Variants in CRPPA observed in about 807,000 individuals in gnomAD.
CRPPA encodes the protein CDP-L-ribitol pyrophosphorylase A.
CRPPA carries 43 observed loss-of-function variants against 52.0 expected under a neutral mutation model. That is an observed-to-expected ratio of 0.83 (90% confidence interval 0.65 to 1.07). The LOEUF (loss-of-function observed/expected upper bound fraction) is 1.07, where lower values mean the gene tolerates loss of function less well. Among genes scored for constraint, CRPPA ranks in the 50% least tolerant of loss-of-function variants. The pLI is 0.00. For missense variants in CRPPA, 629 were observed against 551.7 expected (o/e 1.14, Z -1.40); for synonymous variants, 250 against 203.5 (o/e 1.23, Z -1.94).
At chr7:16,127,885 T>G (rs1782609260) in intron 9 of CRPPA, among the ~76,000 whole-genome samples, 1 of 152,228 alleles carries the variant, frequency 6.6e-6, no homozygotes, top group South Asian at 2.1e-4. Context: ...GAATTTTTGT[T>G]GACTGATTAA....
Position 16,089,893 on chromosome 7 carries a change from T to G in CRPPA, c.*1802A>C, listed in dbSNP as rs1781799789. 1 of 160,050 alleles carries G rather than the reference T, an allele frequency of 6.2e-6. No homozygotes were observed. The highest frequency in any genetic ancestry group is 1.7e-4 in the South Asian group (1 of 5,952). 9.9% of individuals were successfully genotyped at this position (160,050 alleles called of 1,614,324 possible). A position where few individuals can be genotyped will look rare whatever the true frequency, so the allele number is the denominator to read the frequency against. On this transcript the variant is annotated 3_prime_UTR_variant, in exon 10 of 10. Transcript: ENST00000407010. ...CCACAAATATGCCCAGTTTACTGCA[T>G]TCTTCTTCAAGGCACTTACCCTCTC...
intron 6 of CRPPA, among the ~76,000 whole-genome samples, chr7:16,267,458 C>T (rs1191902593): frequency 6.6e-6 from 1 of 152,098 alleles, no homozygotes; most frequent in African/African-American, 2.4e-5. Context: ...CACTTTGAGC[C>T]AGCAAAAGGT....
intron 3 of CRPPA, among the ~76,000 whole-genome samples, chr7:16,322,678 T>C (rs1350310042): frequency 1.3e-5 from 2 of 152,168 alleles, no homozygotes; most frequent in African/African-American, 4.8e-5. Context: ...AGACCAGTGA[T>C]TGGTATTTGC....
chr7:16,322,681 G>T (rs529417557), intron 3 of CRPPA, among the ~76,000 whole-genome samples: 1 of 152,108 alleles, frequency 6.6e-6, no homozygotes, highest in African/African-American at 2.4e-5. Context: ...CCAGTGATTG[G>T]TATTTGCTTC....
At chr7:16,326,915 T>C (rs1173533599) in intron 3 of CRPPA, among the ~76,000 whole-genome samples, 1 of 152,156 alleles carries the variant, frequency 6.6e-6, no homozygotes, top group Non-Finnish European at 1.5e-5. Context: ...AAATGCTATT[T>C]GTATTTTCAC....
At chr7:16,384,090 C>T (rs1205162801) in intron 2 of CRPPA, among the ~76,000 whole-genome samples, 1 of 152,194 alleles carries the variant, frequency 6.6e-6, no homozygotes, top group Non-Finnish European at 1.5e-5. Context: ...TTCTGCGTCA[C>T]TCAGGCTGGG....
intron 8 of CRPPA, among the ~76,000 whole-genome samples, chr7:16,249,538 C>G (rs1187466220): frequency 1.3e-5 from 2 of 152,206 alleles, no homozygotes; most frequent in Non-Finnish European, 2.9e-5. Flanking sequence ...AAGGATCAGA[C>G]AGCAATAGTT....
intron 8 of CRPPA, among the ~76,000 whole-genome samples, chr7:16,230,671 TC>T (rs1782768746): frequency 1.3e-5 from 2 of 152,218 alleles, no homozygotes; most frequent in South Asian, 4.1e-4. Flanking sequence ...CACATTTTTT[TC>T]ATATGGTCAT....
chr7:16,338,255 C>T (rs114823779), intron 3 of CRPPA, among the ~76,000 whole-genome samples: 116 of 152,222 alleles, frequency 7.6e-4, no homozygotes, highest in African/African-American at 2.7e-3. Flanking sequence ...AAACAATAAA[C>T]GTAATATACT....
chr7:16,116,937 C>T (rs1210884403), intron 9 of CRPPA, among the ~76,000 whole-genome samples: 1 of 152,182 alleles, frequency 6.6e-6, no homozygotes, highest in Admixed American at 6.5e-5. Flanking sequence ...GGCTGAAAGT[C>T]TTTATGTGTC....
Position 16,148,749 on chromosome 7 carries a change from C to T in CRPPA, c.1252-56950G>A, listed in dbSNP as rs748402331. Reference sequence around the variant, plus strand: ...TAGAGTCAATAAGACAGACCAAGTCCGTGATAATATTATGGAATGCATTAG... The same window carrying T: ...TAGAGTCAATAAGACAGACCAAGTCTGTGATAATATTATGGAATGCATTAG... On this transcript the variant is annotated intron_variant, in intron 9 of 9. Transcript: ENST00000407010. Among the ~76,000 whole-genome samples the T allele has an allele frequency of 6.6e-5, 10 of 151,980 alleles. No individual in the cohort carries two copies. The East Asian group carries it at 7.7e-4, about 12-fold the overall frequency.
At chr7:16,197,270 A>C (rs1781760355) in intron 9 of CRPPA, among the ~76,000 whole-genome samples, 1 of 152,206 alleles carries the variant, frequency 6.6e-6, no homozygotes, top group Admixed American at 6.5e-5. Context: ...AAACCACGTG[A>C]ATACACTTTC....
intron 6 of CRPPA, among the ~76,000 whole-genome samples, chr7:16,275,878 A>C (rs1229996114): frequency 6.6e-6 from 1 of 151,916 alleles, no homozygotes; most frequent in Non-Finnish European, 1.5e-5. Flanking sequence ...AAGAAAAAAA[A>C]AGACTAAACA....
At chr7:16,210,190 C>T (rs1471656239) in intron 9 of CRPPA, among the ~76,000 whole-genome samples, 1 of 152,020 alleles carries the variant, frequency 6.6e-6, no homozygotes, top group Non-Finnish European at 1.5e-5. Context: ...AATTTGTATG[C>T]TTTTTTATAT....
intron 2 of CRPPA, among the ~76,000 whole-genome samples, chr7:16,404,443 T>C (rs537112456): frequency 2.6e-4 from 39 of 152,266 alleles, no homozygotes; most frequent in African/African-American, 6.7e-4. Flanking sequence ...AGCATATTAA[T>C]TGGAGCAAGA....
intron 9 of CRPPA, among the ~76,000 whole-genome samples, chr7:16,105,973 G>C (rs555014136): frequency 6.6e-6 from 1 of 152,198 alleles, no homozygotes; most frequent in African/African-American, 2.4e-5. Context: ...AAGTCAAACA[G>C]TGGCTCCAGT....
At chr7:16,140,995 A>AGAACCTTGCCTAGAGT (rs1279075625) in intron 9 of CRPPA, among the ~76,000 whole-genome samples, 1 of 152,186 alleles carries the variant, frequency 6.6e-6, no homozygotes, top group Non-Finnish European at 1.5e-5. Flanking sequence ...CCTGATATTA[A>AGAACCTTGCCTAGAGT]GAACCTTGCC....
At chr7:16,095,202 T>C (rs1781912739) in intron 9 of CRPPA, among the ~76,000 whole-genome samples, 1 of 152,172 alleles carries the variant, frequency 6.6e-6, no homozygotes, top group Non-Finnish European at 1.5e-5. Context: ...AAAACCTGAG[T>C]TACAAAGGCA....
intron 9 of CRPPA, among the ~76,000 whole-genome samples, chr7:16,153,021 TA>T (rs1191370230): frequency 2.0e-5 from 3 of 152,030 alleles, no homozygotes; most frequent in Non-Finnish European, 4.4e-5. Flanking sequence ...CCTTAATTGA[TA>T]AAAAATGAAT....
Sources: allele counts gnomAD v4.1 joint callset (sites outside exome capture counted in the v4.1 genomes callset), GRCh38; gene constraint gnomAD v4.1.1; transcripts MANE v1.5; gene names NCBI Gene and HGNC (gene_info 2026-07-23, HGNC 2026-07-21).